Variants in CFAP74 observed in about 807,000 individuals in gnomAD.
CFAP74 encodes the protein cilia- and flagella-associated protein 74.
A neutral mutation model predicts 188.9 loss-of-function variants in CFAP74; 124 were observed. The ratio of observed to expected loss-of-function variants is 0.66; its 90% CI spans 0.57 to 0.76. The LOEUF is 0.76. CFAP74 is among the 30% of genes least tolerant of loss of function. The pLI, the probability that CFAP74 is intolerant of heterozygous loss-of-function variation, is 0.00. For synonymous variants in CFAP74, 956 were observed against 916.7 expected, an observed-to-expected ratio of 1.04 and a Z score of -0.77; for missense variants, 2,198 against 2,165.2, an observed-to-expected ratio of 1.02 and a Z score of -0.30.
rs1034256311 is a variant in CFAP74, at chr1:1,968,117, GAAGA to G, written c.1245+514_1245+517del. On this transcript the variant is annotated intron_variant, in intron 11 of 38. Coordinates refer to ENST00000682832, the MANE Select transcript of CFAP74 (RefSeq NM_001304360.2). The surrounding 1 kb of genome is among the most constrained non-coding windows in gnomAD (Gnocchi z 4.3). The stretch of plus-strand genomic sequence containing the variant: ...TGAGTGAATGAATGAGTGAATGAAT[GAAGA>G]ATGAGTGAGTGAATGAATGAAGAAA... Among the ~76,000 whole-genome samples, 316 of 147,476 alleles carry G rather than the reference GAAGA, an allele frequency of 2.1e-3. 1 individual carries two copies. The highest frequency in any genetic ancestry group is 7.4e-3 in the African/African-American group (299 of 40,516).
In CFAP74 at chr1:1,923,130, C is replaced by T; in HGVS notation, c.4538G>A (p.Gly1513Asp). 6.2e-7 allele frequency: 1 copy of T among 1,608,820 alleles called. No individual in the cohort carries two copies. The highest frequency in any genetic ancestry group is 8.5e-7 in the Non-Finnish European group (1 of 1,178,708). ...CTCCTCAGCTTCTGGAGAGAGAGGGCCTGGCCGGGAGCTGGCTGGAGGGGT... is the reference window on the plus strand; with the variant it reads ...CTCCTCAGCTTCTGGAGAGAGAGGGTCTGGCCGGGAGCTGGCTGGAGGGGT... ...PRHREASSRP[G>D]PLSPEAEELR... is the part of the protein sequence containing the mutation. Residue 1513 changes from glycine (G) to aspartate (D), a missense_variant, in exon 37 of 39, where the codon GGC becomes GAC. Transcript: ENST00000682832. This position sits in a 1 kb window ranked among gnomAD's most constrained non-coding sequence, Gnocchi z 6.3.
At chr1:1,945,471 C>A (rs369327490) in intron 20 of CFAP74, among the ~76,000 whole-genome samples, 7 of 152,270 alleles carry the variant, frequency 4.6e-5, no homozygotes, top group Admixed American at 2.6e-4. Flanking sequence ...CAACCTGGGA[C>A]AGGCAACCGC....
intron 2 of CFAP74, among the ~76,000 whole-genome samples, chr1:1,989,347 GT>G: frequency 6.6e-6 from 1 of 152,250 alleles, no homozygotes; most frequent in South Asian, 2.1e-4. Flanking sequence ...GGCGGACGGT[GT>G]GAGACAAAGC....
chr1:1,963,236 A>G (rs1207262055), intron 14 of CFAP74, among the ~76,000 whole-genome samples: 1 of 152,166 alleles, frequency 6.6e-6, no homozygotes, highest in Non-Finnish European at 1.5e-5. Flanking sequence ...GGACCGCCTG[A>G]GGTCAGGAGT....
chr1:1,935,180 T>G (rs1570846935), intron 25 of CFAP74, among the ~76,000 whole-genome samples: 1 of 71,814 alleles, frequency 1.4e-5, no homozygotes, highest in African/African-American at 5.3e-5. Context: ...TGTACGTGGG[T>G]GTTAGGTTGT....
chr1:1,961,815 C>T (rs906778774), intron 14 of CFAP74, among the ~76,000 whole-genome samples: 3 of 152,198 alleles, frequency 2.0e-5, no homozygotes, highest in African/African-American at 7.2e-5. Flanking sequence ...GGAACAAAGA[C>T]CCTAAGACTG....
Position 1,944,341 on chromosome 1 carries a change from C to A in CFAP74, c.2476G>T (p.Val826Leu). 1.3e-6 allele frequency: 2 copies of A among 1,535,464 alleles called. No homozygotes were observed. Among genetic ancestry groups the A allele is most frequent in the Non-Finnish European group, 1.7e-6 (2 of 1,146,772 alleles). Residue 826 changes from valine to leucine, a missense_variant, in exon 21 of 39, where the codon GTG becomes TTG. Coordinates refer to ENST00000682832, the MANE Select transcript of CFAP74 (RefSeq NM_001304360.2). ...YDRLYQDSVLVHTRSKAALRL... is the reference protein window; with the variant it reads ...YDRLYQDSVLLHTRSKAALRL... Reference sequence around the variant, plus strand: ...CAGGAGGGGGCTCACCGCGTGTGCACGAGCACAGAGTCCTGGTAGAGCCGG... The same window carrying A: ...CAGGAGGGGGCTCACCGCGTGTGCAAGAGCACAGAGTCCTGGTAGAGCCGG...
chr1:1,935,595 G>A (rs1652840347), intron 25 of CFAP74, among the ~76,000 whole-genome samples: 1 of 151,370 alleles, frequency 6.6e-6, no homozygotes, highest in Non-Finnish European at 1.5e-5. Flanking sequence ...TAGGTACACA[G>A]GTATGTAATG....
At chr1:1,996,692 G>A (rs933047785) in intron 1 of CFAP74, among the ~76,000 whole-genome samples, 9 of 152,074 alleles carry the variant, frequency 5.9e-5, no homozygotes, top group Admixed American at 3.9e-4. Flanking sequence ...AGGCCGAGGC[G>A]GGTGGATCAC....
intron 14 of CFAP74, 42 bp from the exon 15 acceptor site, chr1:1,960,072 G>A (rs560237478): frequency 1.0e-5 from 16 of 1,539,664 alleles, no homozygotes; most frequent in Non-Finnish European, 1.3e-5. Flanking sequence ...TAGTGCTGCG[G>A]AGGGCAGACG....
rs537847492 is a variant in CFAP74, at chr1:1,947,537, C to T, written c.2177-483G>A. Among the ~76,000 whole-genome samples, 19 of 152,348 alleles carry T rather than the reference C, an allele frequency of 1.2e-4. No individual in the cohort carries two copies. In the South Asian group the frequency reaches 3.1e-3, roughly 25 times the overall value. On this transcript the variant is annotated intron_variant, in intron 18 of 38. Transcript: ENST00000682832. ...GCCACTGGGTTCTGGGGGCACCAGC[C>T]GGCAGCTGGTCAGCAGCAAGGCCCC...
intron 8 of CFAP74, among the ~76,000 whole-genome samples, chr1:1,972,322 A>G (rs978763507): frequency 3.9e-5 from 6 of 152,174 alleles, no homozygotes; most frequent in African/African-American, 1.4e-4. Flanking sequence ...TATCATTTCC[A>G]CCAGGAATGT....
intron 1 of CFAP74, among the ~76,000 whole-genome samples, chr1:1,996,933 AAAG>A (rs1211131363): frequency 2.5e-4 from 38 of 150,834 alleles, no homozygotes; most frequent in Non-Finnish European, 3.8e-4. Context: ...AAAAAAAAAA[AAAG>A]AAAAAAAAAA....
intron 9 of CFAP74, among the ~76,000 whole-genome samples, chr1:1,971,620 C>T (rs976941795): frequency 3.9e-5 from 6 of 152,240 alleles, no homozygotes; most frequent in Non-Finnish European, 8.8e-5. Flanking sequence ...GATGCTGTTC[C>T]CACTCTTCCC....
chr1:1,939,026 G>A, intron 24 of CFAP74, 38 bp from the exon 25 acceptor site: 1 of 1,528,968 alleles, frequency 6.5e-7, no homozygotes, highest in Non-Finnish European at 8.8e-7. Context: ...ATGTCACGGG[G>A]AGACCATGTG....
intron 25 of CFAP74, among the ~76,000 whole-genome samples, chr1:1,934,601 G>A (rs1413613688): frequency 6.6e-6 from 1 of 150,822 alleles, no homozygotes; most frequent in Non-Finnish European, 1.5e-5. Flanking sequence ...GTACACGTGT[G>A]TATGTGTGTG....
chr1:1,988,088 C>T (rs370609821), intron 4 of CFAP74: 47 of 471,036 alleles, frequency 1.0e-4, no homozygotes, highest in East Asian at 6.2e-4. Context: ...GGACCACAGG[C>T]GTGCGCCACC....
At chr1:1,946,711 G>T (rs544008784) in intron 19 of CFAP74, among the ~76,000 whole-genome samples, 3 of 152,278 alleles carry the variant, frequency 2.0e-5, no homozygotes, top group African/African-American at 7.2e-5. Flanking sequence ...CAGGGAGGCC[G>T]CGGCCAGCAT....
rs1653456093 is a variant in CFAP74 at position 1,942,555 on chromosome 1, T to TGCAGCTCAA, written c.2487-408_2487-400dup. On this transcript the variant is annotated intron_variant, in intron 21 of 38. Transcript: ENST00000682832. This position sits in a 1 kb window ranked among gnomAD's most constrained non-coding sequence, Gnocchi z 4.3. ...TCCTGCCCAGGGCATCCCCACATCC[T>TGCAGCTCAA]GCAGCTCAAGCACAGGGCACGTGGG... Among the ~76,000 whole-genome samples the TGCAGCTCAA allele has an allele frequency of 6.6e-6, 1 of 151,966 alleles. No homozygotes were observed. The highest frequency in any genetic ancestry group is 6.5e-5 in the Admixed American group (1 of 15,274).
Sources: gnomAD v4.1 joint callset for allele counts (sites outside exome capture counted in the v4.1 genomes callset) on GRCh38, gnomAD v4.1.1 for gene constraint, Gnocchi (gnomAD v3.1) non-coding constraint, MANE v1.5 for transcripts, NCBI Gene and HGNC (gene_info 2026-07-23, HGNC 2026-07-21) for gene names.